The following ADAMTSL1 variants were observed in gnomAD, a reference collection of about 807,000 sequenced individuals.
ADAMTSL1 encodes ADAMTS like 1.
A neutral mutation model predicts 201.8 loss-of-function variants in ADAMTSL1; 126 were observed. The ratio of observed to expected loss-of-function variants is 0.62; its 90% CI spans 0.54 to 0.72. ADAMTSL1 has a LOEUF of 0.72. Among genes scored for constraint, ADAMTSL1 ranks in the 30% least tolerant of loss-of-function variants. The pLI is 0.00. For missense variants in ADAMTSL1, 2,679 were observed against 2,277.8 expected (o/e 1.18, Z -3.59); for synonymous variants, 1,121 against 903.4 (o/e 1.24, Z -4.32).
chr9:18,304,578 G>A (rs1563872917), intron 2 of ADAMTSL1, among the ~76,000 whole-genome samples: 1 of 151,372 alleles, frequency 6.6e-6, no homozygotes, highest in Non-Finnish European at 1.5e-5. Flanking sequence ...CCTACACTGA[G>A]GAAATAAACT....
chr9:18,202,645 A>G (rs147851684), intron 2 of ADAMTSL1, among the ~76,000 whole-genome samples: 5 of 152,296 alleles, frequency 3.3e-5, no homozygotes, highest in African/African-American at 1.2e-4. Flanking sequence ...AAGACTATGC[A>G]TCCGTTGCAC....
intron 9 of ADAMTSL1, among the ~76,000 whole-genome samples, chr9:18,674,707 G>A (rs949055556): frequency 2.6e-5 from 4 of 151,990 alleles, no homozygotes; most frequent in African/African-American, 9.7e-5. Context: ...ATAAATAGAT[G>A]CATCCATCTA....
intron 2 of ADAMTSL1, among the ~76,000 whole-genome samples, chr9:18,331,950 C>T (rs1037227342): frequency 1.3e-5 from 2 of 152,082 alleles, no homozygotes; most frequent in African/African-American, 4.8e-5. Context: ...GCAGTCTCGC[C>T]TGTAATTATA....
chr9:18,177,903 A>G (rs1828248117), intron 2 of ADAMTSL1, among the ~76,000 whole-genome samples: 1 of 152,192 alleles, frequency 6.6e-6, no homozygotes, highest in Non-Finnish European at 1.5e-5. Flanking sequence ...AGGTGAAACA[A>G]TAATTGAATA....
intron 2 of ADAMTSL1, among the ~76,000 whole-genome samples, chr9:18,292,014 A>G (rs10511642): frequency 0.061 from 9,238 of 152,158 alleles, 946 homozygotes; most frequent in African/African-American, 0.21. Context: ...CAGGGAAACC[A>G]GAGCAAGTGG....
At chr9:17,981,654 A>G (rs968843799) in intron 1 of ADAMTSL1, among the ~76,000 whole-genome samples, 4 of 152,068 alleles carry the variant, frequency 2.6e-5, no homozygotes, top group African/African-American at 4.8e-5. Context: ...GAAACCTTTT[A>G]TACTTATGGA....
chr9:18,100,790 T>C (rs990364632), intron 1 of ADAMTSL1, among the ~76,000 whole-genome samples: 1 of 152,194 alleles, frequency 6.6e-6, no homozygotes, highest in Non-Finnish European at 1.5e-5. Flanking sequence ...GTATTCACTG[T>C]TATTGGATTG....
intron 1 of ADAMTSL1, among the ~76,000 whole-genome samples, chr9:18,102,690 C>T (rs16936317): frequency 0.05 from 7,620 of 152,180 alleles, 443 homozygotes; most frequent in East Asian, 0.36. Context: ...TGGCGTGTGT[C>T]CAGTCAGTAC....
intron 19 of ADAMTSL1, among the ~76,000 whole-genome samples, chr9:18,790,698 C>T (rs1821980010): frequency 6.6e-6 from 1 of 152,082 alleles, no homozygotes; most frequent in African/African-American, 2.4e-5. Context: ...TTGTAGCATG[C>T]TTGTGAAGGC....
chr9:17,933,288 TCTC>T (rs1487784543), intron 1 of ADAMTSL1, among the ~76,000 whole-genome samples: 2 of 152,112 alleles, frequency 1.3e-5, no homozygotes, highest in East Asian at 1.9e-4. Context: ...TATAGCACCT[TCTC>T]CTCTGTATGG....
At chr9:18,107,705 C>G (rs543938014) in intron 1 of ADAMTSL1, among the ~76,000 whole-genome samples, 1 of 152,082 alleles carries the variant, frequency 6.6e-6, no homozygotes, top group Non-Finnish European at 1.5e-5. Flanking sequence ...TTCTTGAAGT[C>G]CAGACTGTGT....
At chr9:17,916,508 A>G (rs1826099465) in intron 1 of ADAMTSL1, among the ~76,000 whole-genome samples, 1 of 152,126 alleles carries the variant, frequency 6.6e-6, no homozygotes, top group African/African-American at 2.4e-5. Flanking sequence ...CAGGGTAGGG[A>G]TCAAAGTTCG....
intron 2 of ADAMTSL1, among the ~76,000 whole-genome samples, chr9:18,390,667 C>T (rs755405911): frequency 3.9e-5 from 6 of 152,134 alleles, no homozygotes; most frequent in East Asian, 3.9e-4. Context: ...CCAAGAAGAA[C>T]ACCTCAAGAG....
chr9:18,046,429 C>T lies in ADAMTSL1; in HGVS notation c.88-117433C>T, dbSNP rs1240545713. Among the ~76,000 whole-genome samples, 10 of 152,190 alleles carry T rather than the reference C, an allele frequency of 6.6e-5. No homozygotes were observed. The East Asian group carries it at 1.6e-3, about 24-fold the overall frequency. Reference sequence around the variant, plus strand: ...AAGAAAAGTAAAGAGGCATATAAGCCCTTTCCTGTTAAGGACATGACCAAA... The same window carrying T: ...AAGAAAAGTAAAGAGGCATATAAGCTCTTTCCTGTTAAGGACATGACCAAA... On this transcript the variant is annotated intron_variant, in intron 1 of 29. Coordinates refer to the ADAMTSL1 transcript ENST00000680146.
chr9:18,150,283 A>T (rs1209196761), intron 1 of ADAMTSL1, among the ~76,000 whole-genome samples: 1 of 150,416 alleles, frequency 6.6e-6, no homozygotes, highest in Admixed American at 6.6e-5. Flanking sequence ...GGGAATACCA[A>T]ACTATGGGGA....
intron 1 of ADAMTSL1, among the ~76,000 whole-genome samples, chr9:18,477,456 C>G (rs960819976): frequency 6.6e-6 from 1 of 152,212 alleles, no homozygotes; most frequent in East Asian, 1.9e-4. Flanking sequence ...CTGGCACTCT[C>G]TCCCACTATT....
At chr9:18,900,507 G>A (rs1829943214) in intron 26 of ADAMTSL1, among the ~76,000 whole-genome samples, 1 of 152,108 alleles carries the variant, frequency 6.6e-6, no homozygotes, top group South Asian at 2.1e-4. Context: ...ACTCACAATA[G>A]CAAAGGCATG....
At position 18,574,220 on chromosome 9, in the gene ADAMTSL1, G is replaced by T. The variant is rs769971571; in HGVS notation, c.428G>T (p.Arg143Leu). Residue 143 changes from arginine to leucine, a missense_variant, in exon 4 of 29, where the codon CGT becomes CTT. Coordinates refer to ENST00000380548, the MANE Select transcript of ADAMTSL1 (RefSeq NM_001040272.6). ...ELAPKVLDGTRCYTESLDMCI... is the reference protein window; with the variant it reads ...ELAPKVLDGTLCYTESLDMCI... Reference sequence around the variant, plus strand: ...GCACCTAAGGTCTTAGATGGTACGCGTTGCTATACAGAATCTTTGGATATG... The same window carrying T: ...GCACCTAAGGTCTTAGATGGTACGCTTTGCTATACAGAATCTTTGGATATG... 2 of 1,614,016 alleles carry T rather than the reference G, an allele frequency of 1.2e-6. No homozygotes were observed. The highest frequency in any genetic ancestry group is 1.1e-5 in the South Asian group (1 of 91,084).
intron 4 of ADAMTSL1, among the ~76,000 whole-genome samples, chr9:18,615,825 C>T (rs1158028931): frequency 2.0e-5 from 3 of 152,104 alleles, no homozygotes; most frequent in Non-Finnish European, 4.4e-5. Context: ...AGTGTCTTTA[C>T]GAATCTGGAG....
Sources: allele counts gnomAD v4.1 joint callset (sites outside exome capture counted in the v4.1 genomes callset), GRCh38; gene constraint gnomAD v4.1.1; transcripts MANE v1.5; gene names NCBI Gene and HGNC (gene_info 2026-07-23, HGNC 2026-07-21).